Variants in TRPM3 observed in about 807,000 individuals in gnomAD.
The protein encoded by TRPM3 is long transient receptor potential channel 3.
TRPM3 carries 77 observed loss-of-function variants against 181.2 expected under a neutral mutation model. The ratio of observed to expected loss-of-function variants is 0.42; its 90% CI spans 0.35 to 0.51. The LOEUF (loss-of-function observed/expected upper bound fraction) is 0.51, where lower values mean the gene tolerates loss of function less well. Ranked by LOEUF, TRPM3 falls within the 20% of genes least tolerant of loss-of-function variation. The pLI is 0.01. For missense variants in TRPM3, 1,759 were observed against 2,196.7 expected, an observed-to-expected ratio of 0.80 and a Z score of 3.98; for synonymous variants, 745 against 796.4, an observed-to-expected ratio of 0.94 and a Z score of 1.09.
At chr9:70,766,898 A>G (rs914741385) in intron 7 of TRPM3, among the ~76,000 whole-genome samples, 3 of 152,232 alleles carry the variant, frequency 2.0e-5, no homozygotes, top group Admixed American at 2.0e-4. Context: ...TCTATTTTTC[A>G]TATATGTAAA....
chr9:70,841,000 T>A (rs2094591470), intron 5 of TRPM3, among the ~76,000 whole-genome samples: 1 of 152,296 alleles, frequency 6.6e-6, no homozygotes, highest in East Asian at 1.9e-4. Context: ...TCAAAATGAC[T>A]TTTGAATCAA....
At chr9:71,243,248 G>T (rs573276019) in intron 1 of TRPM3, among the ~76,000 whole-genome samples, 12 of 152,278 alleles carry the variant, frequency 7.9e-5, no homozygotes, top group African/African-American at 2.9e-4. Flanking sequence ...CACCATGTTG[G>T]CCAGGCTGGT....
At chr9:71,382,606 A>C (rs1483267898) in intron 1 of TRPM3, among the ~76,000 whole-genome samples, 2 of 152,160 alleles carry the variant, frequency 1.3e-5, no homozygotes, top group African/African-American at 4.8e-5. Flanking sequence ...GTACCAGATA[A>C]ACCCTCATAT....
chr9:71,382,966 T>C (rs1332253209), intron 1 of TRPM3, among the ~76,000 whole-genome samples: 1 of 152,198 alleles, frequency 6.6e-6, no homozygotes, highest in Non-Finnish European at 1.5e-5. Context: ...CTATATTCTT[T>C]AGCTTACTCT....
chr9:70,918,844 T>C (rs1349821278), intron 1 of TRPM3, among the ~76,000 whole-genome samples: 1 of 151,772 alleles, frequency 6.6e-6, no homozygotes, highest in African/African-American at 2.4e-5. Context: ...TTTAAAAAAA[T>C]AAACATAATA....
At chr9:71,254,171 C>A (rs530358386) in intron 1 of TRPM3, among the ~76,000 whole-genome samples, 139 of 152,226 alleles carry the variant, frequency 9.1e-4, no homozygotes, top group Non-Finnish European at 1.6e-3. Flanking sequence ...GCCCACCTCA[C>A]GCTCCCAAAG....
intron 1 of TRPM3, among the ~76,000 whole-genome samples, chr9:71,169,533 G>A (rs962598106): frequency 4.6e-5 from 7 of 152,174 alleles, no homozygotes; most frequent in Admixed American, 4.6e-4. Context: ...ATATTTCGAG[G>A]CAGGTGCTCT....
intron 1 of TRPM3, among the ~76,000 whole-genome samples, chr9:71,057,629 T>C (rs1057308095): frequency 4.6e-5 from 7 of 152,198 alleles, no homozygotes; most frequent in Non-Finnish European, 7.4e-5. Flanking sequence ...AAGTTAAGTG[T>C]TATCATTTGC....
intron 1 of TRPM3, among the ~76,000 whole-genome samples, chr9:71,164,103 A>G (rs7028656): frequency 0.4 from 60,091 of 152,014 alleles, 12,265 homozygotes; most frequent in East Asian, 0.51. Flanking sequence ...GGAGCTGTAC[A>G]ATTAAGAAGG....
Position 70,860,531 on chromosome 9 carries a change from CTAAG to C in TRPM3, c.462+2373_462+2376del, listed in dbSNP as rs2095495160. Among the ~76,000 whole-genome samples the C allele has an allele frequency of 2.0e-5, 3 of 152,194 alleles. No individual in the cohort carries two copies. The South Asian group carries it at 6.2e-4, about 32-fold the overall frequency. On this transcript the variant is annotated intron_variant, in intron 3 of 25. Transcript: ENST00000677713. ...GTGAGGAAACTGAGGCAGTAGGAAG[CTAAG>C]TAAACTGTCACAAAGCCCATTAATG...
intron 8 of TRPM3, among the ~76,000 whole-genome samples, chr9:70,693,427 G>T (rs1385292780): frequency 1.3e-5 from 2 of 152,052 alleles, no homozygotes; most frequent in African/African-American, 4.8e-5. Context: ...AGTTCTTCCA[G>T]GCCAACACCA....
intron 1 of TRPM3, among the ~76,000 whole-genome samples, chr9:71,341,670 A>G (rs9314787): frequency 6.6e-4 from 1 of 1,508 alleles, no homozygotes; most frequent in Admixed American, 0.011. Flanking sequence ...AGAAACTAGT[A>G]AAAAAAAAAA....
chr9:71,173,890 G>A (rs1406485912), intron 1 of TRPM3, among the ~76,000 whole-genome samples: 3 of 152,052 alleles, frequency 2.0e-5, no homozygotes, highest in South Asian at 2.1e-4. Context: ...GCAAATAATC[G>A]ACAATCTGGG....
chr9:70,878,532 C>T (rs2095915412), intron 1 of TRPM3, among the ~76,000 whole-genome samples: 1 of 152,068 alleles, frequency 6.6e-6, no homozygotes, highest in African/African-American at 2.4e-5. Flanking sequence ...TAGAACAATG[C>T]TTCTAAATGA....
chr9:71,255,254 T>C (rs2082599650), intron 1 of TRPM3, among the ~76,000 whole-genome samples: 2 of 152,214 alleles, frequency 1.3e-5, no homozygotes, highest in Admixed American at 1.3e-4. Flanking sequence ...TTACTAATTT[T>C]TGTAATGCTC....
intron 1 of TRPM3, among the ~76,000 whole-genome samples, chr9:71,318,861 C>T (rs765104526): frequency 2.6e-5 from 4 of 152,066 alleles, no homozygotes; most frequent in East Asian, 1.9e-4. Flanking sequence ...ATCAAGCTAA[C>T]GAACATTTGC....
At position 70,846,359 on chromosome 9, in the gene TRPM3, C is replaced by G. The variant is rs768035145; in HGVS notation, c.676+19G>C. 39 of 1,608,298 alleles carry G rather than the reference C, an allele frequency of 2.4e-5. No homozygotes were observed. In the African/African-American group the frequency reaches 4.8e-4, roughly 20 times the overall value. The stretch of plus-strand genomic sequence containing the variant: ...TTCCCATGGCCTATGTTGACTTTCT[C>G]TGTTCCACTTGCAATTACCTGTGTT... On this transcript the variant is annotated intron_variant, in intron 4 of 25. Transcript: ENST00000677713.
At chr9:70,998,784 T>A (rs1196223877) in intron 1 of TRPM3, among the ~76,000 whole-genome samples, 1 of 152,162 alleles carries the variant, frequency 6.6e-6, no homozygotes, top group South Asian at 2.1e-4. Flanking sequence ...ACCATGAAAA[T>A]GGACGATTTC....
At chr9:70,763,296 G>C (rs1171197925) in intron 7 of TRPM3, among the ~76,000 whole-genome samples, 1 of 152,076 alleles carries the variant, frequency 6.6e-6, no homozygotes, top group Non-Finnish European at 1.5e-5. Context: ...GATCACCTGA[G>C]CCCAGGAGTT....
Sources: gnomAD v4.1 joint callset for allele counts (sites outside exome capture counted in the v4.1 genomes callset) on GRCh38, gnomAD v4.1.1 for gene constraint, MANE v1.5 for transcripts, NCBI Gene and HGNC (gene_info 2026-07-23, HGNC 2026-07-21) for gene names.